The following ACTR3 variants were observed in gnomAD, a reference collection of about 807,000 sequenced individuals.
ACTR3 encodes the protein actin-related protein 3.
Under a neutral mutation model 56.8 loss-of-function variants are expected in ACTR3, and 12 were observed. The ratio of observed to expected loss-of-function variants is 0.21; its 90% CI spans 0.14 to 0.34. ACTR3 has a LOEUF of 0.34. Among genes scored for constraint, ACTR3 ranks in the 10% least tolerant of loss-of-function variants. The pLI, the probability that ACTR3 is intolerant of heterozygous loss-of-function variation, is 1.00. For synonymous variants in ACTR3, 162 were observed against 167.4 expected (o/e 0.97, Z 0.25); for missense variants, 282 against 512.5 (o/e 0.55, Z 4.34).
At position 113,930,864 on chromosome 2, in the gene ACTR3, A is replaced by G. The variant is rs924047868; in HGVS notation, c.337-437A>G. On this transcript the variant is annotated intron_variant, in intron 4 of 11. Coordinates refer to ENST00000263238, the MANE Select transcript of ACTR3 (RefSeq NM_005721.5). The stretch of plus-strand genomic sequence containing the variant: ...ATCTCGGCTTGTTTACTGTAATCCT[A>G]TATACTTCGGGGACATTCATCTAAA... Among the ~76,000 whole-genome samples the G allele has an allele frequency of 3.9e-5, 6 of 152,298 alleles. No individual in the cohort carries two copies. The East Asian group carries it at 5.8e-4, about 15-fold the overall frequency.
chr2:113,955,542 A>T, intron 10 of ACTR3, 81 bp from the exon 11 acceptor site: 1 of 994,352 alleles, frequency 1.0e-6, no homozygotes, highest in Non-Finnish European at 1.5e-6. Flanking sequence ...TTATTTTTGT[A>T]TATGTACATT....
chr2:113,917,094 A>G, intron 3 of ACTR3, 86 bp downstream of exon 3: 1 of 1,132,886 alleles, frequency 8.8e-7, no homozygotes, highest in Non-Finnish European at 1.2e-6. Flanking sequence ...TCTATAATAG[A>G]CCTTATTAAT....
chr2:113,907,636 TATA>T (rs1679219513), intron 1 of ACTR3, among the ~76,000 whole-genome samples: 1 of 152,180 alleles, frequency 6.6e-6, no homozygotes, highest in Admixed American at 6.5e-5. Flanking sequence ...TGATAGGATT[TATA>T]AATTCAAAGC....
At chr2:113,897,074 A>C (rs1298625619) in intron 1 of ACTR3, among the ~76,000 whole-genome samples, 1 of 152,200 alleles carries the variant, frequency 6.6e-6, no homozygotes, top group Non-Finnish European at 1.5e-5. Context: ...TTATGACACA[A>C]CCATAATCAG....
intron 8 of ACTR3, among the ~76,000 whole-genome samples, chr2:113,946,138 A>T (rs1049370108): frequency 6.6e-6 from 1 of 151,582 alleles, no homozygotes; most frequent in African/African-American, 2.4e-5. Flanking sequence ...AACAATTTAT[A>T]CTCCTTTGGG....
At chr2:113,900,473 G>A (rs1217428370) in intron 1 of ACTR3, among the ~76,000 whole-genome samples, 2 of 152,172 alleles carry the variant, frequency 1.3e-5, no homozygotes, top group Non-Finnish European at 2.9e-5. Flanking sequence ...ATAGCAAAGG[G>A]ACTGGGAAAA....
In ACTR3 at chr2:113,955,635, G is replaced by A. The variant is rs780150294; in HGVS notation, c.1090G>A (p.Asp364Asn). 1.2e-6 allele frequency: 2 copies of A among 1,611,862 alleles called. No individual in the cohort carries two copies. Among genetic ancestry groups the A allele is most frequent in the Non-Finnish European group, 1.7e-6 (2 of 1,178,484 alleles). Residue 364 changes from aspartate (D) to asparagine (N), a missense_variant, in exon 11 of 12, where the codon GAT (aspartate) becomes AAT (asparagine). Physicochemically the swap from Asp to Asn is conservative, Grantham distance 23. Transcript: ENST00000263238. ...SGGRLKPKPI[D>N]VQVITHHMQR... The stretch of plus-strand genomic sequence containing the variant: ...TGTCTTTCTTTAGCCAAAACCTATT[G>A]ATGTACAAGTCATTACACACCACAT...
chr2:113,910,556 T>TG (rs1679289190), intron 1 of ACTR3, among the ~76,000 whole-genome samples: 1 of 152,220 alleles, frequency 6.6e-6, no homozygotes, highest in Middle Eastern at 3.4e-3. Flanking sequence ...GGGGCAGTCT[T>TG]GGGGACTGAG....
chr2:113,962,404 G>A lies in ACTR3; in HGVS notation c.*4949G>A, dbSNP rs1039127462. 2 of 151,894 alleles carry A rather than the reference G, an allele frequency of 1.3e-5. No homozygotes were observed. The highest frequency in any genetic ancestry group is 2.9e-5 in the Non-Finnish European group (2 of 67,880). 9.4% of individuals were successfully genotyped at this position (151,894 alleles called of 1,614,324 possible). ...CTCATTTCTCCCTCTGGCTTTTATTGATCAATTTTGATATTGTCCAGATCC... is the reference window on the plus strand; with the variant it reads ...CTCATTTCTCCCTCTGGCTTTTATTAATCAATTTTGATATTGTCCAGATCC... On this transcript the variant is annotated 3_prime_UTR_variant, in exon 12 of 12. Coordinates refer to ENST00000263238, the MANE Select transcript of ACTR3 (RefSeq NM_005721.5).
intron 8 of ACTR3, among the ~76,000 whole-genome samples, chr2:113,948,506 T>C (rs1680062268): frequency 6.6e-6 from 1 of 152,184 alleles, no homozygotes; most frequent in Non-Finnish European, 1.5e-5. Context: ...TTGTCTTTTT[T>C]ATCCTTCTTC....
intron 3 of ACTR3, among the ~76,000 whole-genome samples, chr2:113,919,840 C>G (rs1332824583): frequency 1.3e-5 from 2 of 152,190 alleles, no homozygotes; most frequent in African/African-American, 4.8e-5. Flanking sequence ...CCTCAAACTT[C>G]TGGACTCAAG....
chr2:113,923,938 T>C (rs1198156355), intron 3 of ACTR3, among the ~76,000 whole-genome samples: 6 of 152,148 alleles, frequency 3.9e-5, no homozygotes, highest in African/African-American at 1.4e-4. Context: ...TTATATATAC[T>C]CCACTCTTGT....
chr2:113,927,619 G>A (rs537817715), intron 4 of ACTR3, among the ~76,000 whole-genome samples, 164 bp downstream of exon 4: 14 of 152,218 alleles, frequency 9.2e-5, no homozygotes, highest in African/African-American at 2.6e-4. Context: ...TATGGCTACA[G>A]GAGAATAGTA....
chr2:113,900,705 G>A (rs1439954050), intron 1 of ACTR3, among the ~76,000 whole-genome samples: 1 of 152,148 alleles, frequency 6.6e-6, no homozygotes, highest in Admixed American at 6.5e-5. Flanking sequence ...CTAGTAAATG[G>A]TGGAACAAGC....
rs1680121354 is a variant in ACTR3, at chr2:113,951,592, A to G, written c.951+21A>G. 19 of 1,591,080 alleles carry G rather than the reference A, an allele frequency of 1.2e-5. No homozygotes were observed. The East Asian group carries it at 2.7e-4, about 23-fold the overall frequency. On this transcript the variant is annotated intron_variant, in intron 9 of 11. Coordinates refer to ENST00000263238, the MANE Select transcript of ACTR3 (RefSeq NM_005721.5). ...ACAAGGTATTTATAGCAAAATTGTT[A>G]TTCAAGGTCTTACTTTAAAAAAACT...
chr2:113,928,949 A>C (rs1382319662), intron 4 of ACTR3, among the ~76,000 whole-genome samples: 1 of 152,158 alleles, frequency 6.6e-6, no homozygotes, highest in Non-Finnish European at 1.5e-5. Context: ...TTTGAGTGTC[A>C]AATAATGGAA....
chr2:113,944,683 A>G (rs1005992558), intron 8 of ACTR3, among the ~76,000 whole-genome samples: 4 of 151,648 alleles, frequency 2.6e-5, no homozygotes, highest in Admixed American at 1.3e-4. Context: ...AATGGCGTGA[A>G]CCCAGGAGGT....
intron 11 of ACTR3, among the ~76,000 whole-genome samples, chr2:113,956,405 CATT>C (rs942285911): frequency 6.8e-6 from 1 of 146,558 alleles, no homozygotes; most frequent in African/African-American, 2.5e-5. Flanking sequence ...GCTTGCTAGA[CATT>C]ATTTTAGAGT....
chr2:113,904,483 G>T (rs769250548), intron 1 of ACTR3: 3 of 152,084 alleles, frequency 2.0e-5, no homozygotes, highest in Admixed American at 6.5e-5. Context: ...TAACACTCTT[G>T]TTTATTCGTT....
Sources: allele counts gnomAD v4.1 joint callset (sites outside exome capture counted in the v4.1 genomes callset), GRCh38; gene constraint gnomAD v4.1.1; transcripts MANE v1.5; gene names NCBI Gene and HGNC (gene_info 2026-07-23, HGNC 2026-07-21).